NPAS3: variants seen among roughly 807,000 people sequenced by gnomAD.
NPAS3 encodes the protein neuronal PAS domain protein 3, also known as neuronal PAS domain-containing protein 3.
A neutral mutation model predicts 73.1 loss-of-function variants in NPAS3; 14 were observed. The ratio of observed to expected loss-of-function variants is 0.19; its 90% confidence interval spans 0.13 to 0.30. The LOEUF is 0.30. Ranked by LOEUF, NPAS3 falls within the 10% of genes least tolerant of loss-of-function variation. The probability of loss-of-function intolerance (pLI) is 1.00; values close to 1 mark genes in which losing one functional copy is unlikely to be tolerated. For synonymous variants in NPAS3, 620 were observed against 541.5 expected, an observed-to-expected ratio of 1.14 and a Z score of -2.01; for missense variants, 1,096 against 1,250.0, an observed-to-expected ratio of 0.88 and a Z score of 1.86.
chr14:33,684,796 C>T (rs1349013562), intron 6 of NPAS3, among the ~76,000 whole-genome samples: 3 of 152,170 alleles, frequency 2.0e-5, no homozygotes, highest in East Asian at 3.9e-4. Flanking sequence ...GGCCAGATTC[C>T]GTGCAGTTTC....
At chr14:33,794,905 G>A (rs186852985) in intron 10 of NPAS3, among the ~76,000 whole-genome samples, 2 of 152,246 alleles carry the variant, frequency 1.3e-5, no homozygotes, top group Non-Finnish European at 2.9e-5. Flanking sequence ...CATCATTCTG[G>A]TCTTTGGCTT....
At chr14:33,609,062 T>G (rs1274756527) in intron 5 of NPAS3, among the ~76,000 whole-genome samples, 3 of 152,244 alleles carry the variant, frequency 2.0e-5, no homozygotes, top group Non-Finnish European at 4.4e-5. Flanking sequence ...TGTATCCACT[T>G]GCTGCAAGAT....
chr14:33,123,253 G>A lies in NPAS3; in HGVS notation c.140+67259G>A, dbSNP rs532028069. ...GATCATCACGGGAGACATTTGGGGT[G>A]TAAATTGGAGTTATGGGGATTTGGG... On this transcript the variant is annotated intron_variant, in intron 2 of 11. Coordinates refer to ENST00000356141, the Ensembl canonical transcript of NPAS3. 1.0e-3 allele frequency among the ~76,000 whole-genome samples: 156 copies of A among 152,090 alleles called. 1 individual carries two copies. The highest frequency in any genetic ancestry group is 3.5e-3 in the African/African-American group (145 of 41,506).
intron 5 of NPAS3, among the ~76,000 whole-genome samples, chr14:33,648,971 T>C (rs1188256628): frequency 6.6e-6 from 1 of 152,186 alleles, no homozygotes; most frequent in Admixed American, 6.5e-5. Flanking sequence ...AGTTTTCCTC[T>C]GTTGAGGAAC....
intron 4 of NPAS3, among the ~76,000 whole-genome samples, chr14:33,510,007 T>C (rs948943225): frequency 3.3e-5 from 5 of 151,990 alleles, no homozygotes; most frequent in South Asian, 4.1e-4. Flanking sequence ...TGCACACTTT[T>C]TGTTTCCCCT....
intron 1 of NPAS3, among the ~76,000 whole-genome samples, chr14:33,019,195 C>A (rs1444756158): frequency 6.6e-6 from 1 of 152,224 alleles, no homozygotes; most frequent in African/African-American, 2.4e-5. Flanking sequence ...CCAGCCCAAG[C>A]TGTTTAGCAC....
At chr14:33,492,382 A>T (rs2051944754) in intron 4 of NPAS3, among the ~76,000 whole-genome samples, 1 of 152,144 alleles carries the variant, frequency 6.6e-6, no homozygotes, top group African/African-American at 2.4e-5. Flanking sequence ...CACAGGTAAC[A>T]TGCTTTTACT....
intron 4 of NPAS3, among the ~76,000 whole-genome samples, chr14:33,493,608 G>A (rs2139837727): frequency 6.6e-6 from 1 of 152,220 alleles, no homozygotes; most frequent in Non-Finnish European, 1.5e-5. Context: ...GCAAAGAGAT[G>A]GTGTGTAATT....
At chr14:33,801,043 G>A (rs764289203) in exon 12 of NPAS3, 1 of 1,593,450 alleles carries the variant, frequency 6.3e-7, no homozygotes, top group Non-Finnish European at 8.5e-7. Flanking sequence ...TCTTCTCCAC[G>A]CTGCCCTTCC....
chr14:33,736,174 T>C (rs1399293274), intron 7 of NPAS3, among the ~76,000 whole-genome samples: 1 of 152,226 alleles, frequency 6.6e-6, no homozygotes, highest in Admixed American at 6.5e-5. Flanking sequence ...CTTTAGAATT[T>C]AGAACTTCTG....
chr14:32,973,626 C>A (rs1191676681), intron 1 of NPAS3, among the ~76,000 whole-genome samples: 1 of 151,044 alleles, frequency 6.6e-6, no homozygotes. Context: ...ACCTCCCCTT[C>A]CCGAGTTCAA....
At chr14:33,009,410 T>C (rs1307011710) in intron 1 of NPAS3, among the ~76,000 whole-genome samples, 1 of 152,054 alleles carries the variant, frequency 6.6e-6, no homozygotes, top group Non-Finnish European at 1.5e-5. Context: ...TGGATTGATA[T>C]GGGAAGATGG....
intron 4 of NPAS3, among the ~76,000 whole-genome samples, chr14:33,403,266 G>A (rs995438430): frequency 6.6e-6 from 1 of 152,034 alleles, no homozygotes. Flanking sequence ...GTTATAGAAA[G>A]CTTGTTGTGG....
At chr14:32,968,922 C>T (rs1368793438) in intron 1 of NPAS3, among the ~76,000 whole-genome samples, 1 of 152,130 alleles carries the variant, frequency 6.6e-6, no homozygotes, top group African/African-American at 2.4e-5. Flanking sequence ...GCTATTCTTC[C>T]TGATGCTCTC....
rs187695760 is a variant in NPAS3, at chr14:33,346,150, G to A, written c.386-21036G>A. 4.2e-3 allele frequency among the ~76,000 whole-genome samples: 634 copies of A among 151,808 alleles called. 4 individuals are homozygous for A. Among genetic ancestry groups the A allele is most frequent in the Middle Eastern group, 0.021 (6 of 292 alleles). ...GGAGGCAGGAGAATTGCTTGAACCCGGGAGGCAGAGGTTGCAGTGAGCTGA... is the reference window on the plus strand; with the variant it reads ...GGAGGCAGGAGAATTGCTTGAACCCAGGAGGCAGAGGTTGCAGTGAGCTGA... On this transcript the variant is annotated intron_variant, in intron 3 of 11. Coordinates refer to ENST00000356141, the Ensembl canonical transcript of NPAS3.
chr14:33,641,832 G>A (rs2058683232), intron 5 of NPAS3, among the ~76,000 whole-genome samples: 2 of 152,104 alleles, frequency 1.3e-5, no homozygotes, highest in South Asian at 2.1e-4. Context: ...CAGCGGCATC[G>A]TGTCTTTATT....
intron 6 of NPAS3, among the ~76,000 whole-genome samples, chr14:33,698,039 C>G (rs1309985027): frequency 5.3e-5 from 8 of 152,238 alleles, no homozygotes; most frequent in Non-Finnish European, 2.9e-5. Flanking sequence ...CCTTGCAGCT[C>G]ATGCATCCGA....
At chr14:33,069,811 T>G (rs1489648163) in intron 2 of NPAS3, among the ~76,000 whole-genome samples, 1 of 152,244 alleles carries the variant, frequency 6.6e-6, no homozygotes, top group East Asian at 1.9e-4. Flanking sequence ...TTTTCACCCC[T>G]GTAACTACCC....
chr14:33,399,582 C>G (rs893494409), intron 4 of NPAS3, among the ~76,000 whole-genome samples: 1 of 151,992 alleles, frequency 6.6e-6, no homozygotes, highest in Non-Finnish European at 1.5e-5. Context: ...GTAAACATTA[C>G]AGAGATCAAC....
Sources: gnomAD v4.1 joint callset for allele counts (sites outside exome capture counted in the v4.1 genomes callset) on GRCh38, gnomAD v4.1.1 for gene constraint, MANE v1.5 for transcripts, NCBI Gene and HGNC (gene_info 2026-07-23, HGNC 2026-07-21) for gene names.